The following SCRN1 variants were observed in gnomAD, a reference collection of about 807,000 sequenced individuals.
The protein encoded by SCRN1 is secernin 1.
Under a neutral mutation model 43.3 loss-of-function variants are expected in SCRN1, and 19 were observed. That is an observed-to-expected ratio of 0.44 (90% CI 0.31 to 0.64). The LOEUF (loss-of-function observed/expected upper bound fraction) is 0.64. SCRN1 is among the 30% of genes least tolerant of loss of function. The pLI, the probability that SCRN1 is intolerant of heterozygous loss-of-function variation, is 0.09. For synonymous variants in SCRN1, 183 were observed against 188.9 expected (o/e 0.97, Z 0.26); for missense variants, 447 against 524.1 (o/e 0.85, Z 1.44).
chr7:29,982,575 C>G (rs763482263), intron 1 of SCRN1, among the ~76,000 whole-genome samples: 1 of 150,212 alleles, frequency 6.7e-6, no homozygotes, highest in African/African-American at 2.4e-5. Flanking sequence ...CCCAGCTACT[C>G]AGAAGGCTGA....
At chr7:29,929,986 C>CT (rs1386972115) in intron 6 of SCRN1, among the ~76,000 whole-genome samples, 1 of 151,684 alleles carries the variant, frequency 6.6e-6, no homozygotes, top group African/African-American at 2.4e-5. Context: ...ATAAGTTTGT[C>CT]CCTCTCATCT....
chr7:29,983,059 G>A (rs1273902125), intron 1 of SCRN1, among the ~76,000 whole-genome samples: 4 of 151,644 alleles, frequency 2.6e-5, no homozygotes, highest in African/African-American at 9.7e-5. Context: ...GGCTGGTCTC[G>A]AACTCCTGAC....
chr7:29,979,634 C>T (rs891381942), intron 1 of SCRN1, among the ~76,000 whole-genome samples: 4 of 152,172 alleles, frequency 2.6e-5, no homozygotes, highest in African/African-American at 7.2e-5. Context: ...CTATCCACCC[C>T]GCTGTGCATT....
chr7:29,987,255 C>T (rs1472859941), intron 1 of SCRN1, among the ~76,000 whole-genome samples: 1 of 152,192 alleles, frequency 6.6e-6, no homozygotes. Flanking sequence ...CAATTTCTAG[C>T]TCTGCTTTAG....
At chr7:29,988,267 C>T (rs866375634) in intron 1 of SCRN1, among the ~76,000 whole-genome samples, 7 of 152,234 alleles carry the variant, frequency 4.6e-5, no homozygotes, top group South Asian at 4.1e-4. Flanking sequence ...ATCAAAAAGA[C>T]ATCAGCAGCC....
rs968111832 is a variant in SCRN1 at position 29,984,783 on chromosome 7, T to C, written c.-2+4859A>G. ...TAAAAATACAAAAATTAGCTGGGCG[T>C]GGTGGCAGACGCCTGTAATCCCAGC... On this transcript the variant is annotated intron_variant, in intron 1 of 7. Coordinates refer to ENST00000242059, the MANE Select transcript of SCRN1 (RefSeq NM_014766.5). 4.9e-5 allele frequency among the ~76,000 whole-genome samples: 7 copies of C among 143,210 alleles called. No individual in the cohort carries two copies. The South Asian group carries it at 8.8e-4, about 18-fold the overall frequency. 94.0% of individuals were successfully genotyped at this position (143,210 alleles called of 152,430 possible).
Position 29,989,748 on chromosome 7 carries a change from G to T in SCRN1, c.-108C>A, listed in dbSNP as rs571331881. 372 of 986,296 alleles carry T rather than the reference G, an allele frequency of 3.8e-4. No homozygotes were observed. The African/African-American group carries it at 6.0e-3, about 16-fold the overall frequency. 61.1% of individuals were successfully genotyped at this position (986,296 alleles called of 1,614,324 possible). A position where few individuals can be genotyped will look rare whatever the true frequency, so the allele number is the denominator to read the frequency against. ...CCGGATTACTGCGGCGACCTCGGGGGCTGCAGCTGCAGTGGCGGAGGCGGC... is the reference window on the plus strand; with the variant it reads ...CCGGATTACTGCGGCGACCTCGGGGTCTGCAGCTGCAGTGGCGGAGGCGGC... On this transcript the variant is annotated 5_prime_UTR_variant, in exon 1 of 8. Coordinates refer to ENST00000242059, the MANE Select transcript of SCRN1 (RefSeq NM_014766.5).
chr7:29,974,019 T>C (rs979150187), intron 1 of SCRN1, among the ~76,000 whole-genome samples: 7 of 152,228 alleles, frequency 4.6e-5, no homozygotes, highest in South Asian at 2.1e-4. Flanking sequence ...ATTTAAAATA[T>C]AGATAGAAAA....
chr7:29,924,822 T>C (rs564338948), intron 7 of SCRN1, among the ~76,000 whole-genome samples: 4 of 152,364 alleles, frequency 2.6e-5, no homozygotes, highest in Admixed American at 6.5e-5. Context: ...CACTCATTTA[T>C]GGCAGATGAC....
Position 29,944,004 on chromosome 7 carries a change from T to C in SCRN1, c.517A>G (p.Lys173Glu), listed in dbSNP as rs200819331. The part of the protein sequence containing the change: ...DEAWVLETIG[K>E]YWAAEKVTEG... ...GTGACTTTCTCGGCAGCCCAGTACT[T>C]CCCTATGGTCTCGAGCACCCAGGCT... Residue 173 changes from lysine to glutamate, a missense_variant, in exon 4 of 8, where the codon AAG becomes GAG. Lys to Glu is a moderately conservative substitution (Grantham distance 56). Transcript: ENST00000242059. 1 of 1,614,080 alleles carries C rather than the reference T, an allele frequency of 6.2e-7. No homozygotes were observed. Among genetic ancestry groups the C allele is most frequent in the Non-Finnish European group, 8.5e-7 (1 of 1,180,044 alleles).
intron 2 of SCRN1, among the ~76,000 whole-genome samples, chr7:29,957,501 T>A (rs1240098559): frequency 6.6e-6 from 1 of 152,254 alleles, no homozygotes; most frequent in Non-Finnish European, 1.5e-5. Context: ...GTACTGTTTA[T>A]GTATACTATC....
chr7:29,989,243 G>C (rs1437631286), intron 1 of SCRN1: 1 of 152,224 alleles, frequency 6.6e-6, no homozygotes, highest in Non-Finnish European at 1.5e-5. Flanking sequence ...CCTCGGGGAA[G>C]GTGCCCGGCT....
intron 1 of SCRN1, chr7:29,969,666 A>C (rs1583689929): frequency 2.7e-6 from 1 of 375,206 alleles, no homozygotes; most frequent in South Asian, 2.0e-5. Flanking sequence ...CTACCTGGCC[A>C]GTGCACATCC....
chr7:29,986,603 T>C (rs960559909), intron 1 of SCRN1, among the ~76,000 whole-genome samples: 4 of 152,184 alleles, frequency 2.6e-5, no homozygotes, highest in African/African-American at 9.6e-5. Flanking sequence ...ATTCTTATTC[T>C]TCAACAGACA....
chr7:29,962,390 A>G (rs1788356401), intron 2 of SCRN1, among the ~76,000 whole-genome samples: 1 of 151,906 alleles, frequency 6.6e-6, no homozygotes, highest in Non-Finnish European at 1.5e-5. Flanking sequence ...CACATGTTTA[A>G]AATGTCATGA....
intron 3 of SCRN1, among the ~76,000 whole-genome samples, chr7:29,948,497 C>T (rs2128092214): frequency 6.6e-6 from 1 of 152,368 alleles, no homozygotes; most frequent in East Asian, 1.9e-4. Context: ...TAAAGACAAA[C>T]TACAGACCTT....
intron 1 of SCRN1, among the ~76,000 whole-genome samples, chr7:29,987,917 T>G (rs1466902184): frequency 1.3e-5 from 2 of 152,202 alleles, no homozygotes; most frequent in African/African-American, 4.8e-5. Flanking sequence ...TGCCTCCACC[T>G]CTGCCCCCCG....
At chr7:29,952,210 C>T (rs1352257719) in intron 3 of SCRN1, among the ~76,000 whole-genome samples, 1 of 152,206 alleles carries the variant, frequency 6.6e-6, no homozygotes, top group Non-Finnish European at 1.5e-5. Context: ...AGGTTGCTGG[C>T]CCCTGGGTGT....
At chr7:29,954,204 G>T (rs1205474394) in intron 3 of SCRN1, among the ~76,000 whole-genome samples, 1 of 152,098 alleles carries the variant, frequency 6.6e-6, no homozygotes, top group Non-Finnish European at 1.5e-5. Context: ...CGCACAGCAG[G>T]TTCCTTCTGC....
Sources: allele counts gnomAD v4.1 joint callset (sites outside exome capture counted in the v4.1 genomes callset), GRCh38; gene constraint gnomAD v4.1.1; transcripts MANE v1.5; gene names NCBI Gene and HGNC (gene_info 2026-07-23, HGNC 2026-07-21).